Variants in RAB38 observed in about 807,000 individuals in gnomAD.
RAB38 encodes the protein ras-related protein Rab-38.
RAB38 carries 15 observed loss-of-function variants against 18.4 expected under a neutral mutation model. The observed-to-expected ratio is 0.82, with a 90% CI of 0.55 to 1.26. RAB38 has a LOEUF of 1.26. RAB38 is among the 50% of genes most tolerant of loss of function. The probability of loss-of-function intolerance (pLI) is 0.00; values close to 1 mark genes in which losing one functional copy is unlikely to be tolerated. For missense variants in RAB38, 294 were observed against 267.4 expected (o/e 1.10, Z -0.69); for synonymous variants, 101 against 104.4 (o/e 0.97, Z 0.20).
chr11:87,952,596 A>G, the RAB38 span, among the ~76,000 whole-genome samples: 2 of 152,186 alleles, frequency 1.3e-5, no homozygotes, highest in Admixed American at 6.6e-5. Context: ...AATGACACAA[A>G]TGGGTTATAC....
the RAB38 span, among the ~76,000 whole-genome samples, chr11:87,891,656 G>C: frequency 2.0e-5 from 3 of 151,756 alleles, no homozygotes; most frequent in African/African-American, 7.2e-5. Context: ...CAGTGAATAG[G>C]CTGCCCAGTA....
chr11:87,838,410 G>T, the RAB38 span, among the ~76,000 whole-genome samples: 1 of 152,124 alleles, frequency 6.6e-6, no homozygotes, highest in African/African-American at 2.4e-5. Context: ...CACTGTGCCT[G>T]GTCTACTTAC....
the RAB38 span, among the ~76,000 whole-genome samples, chr11:88,070,884 A>G: frequency 6.6e-6 from 1 of 152,218 alleles, no homozygotes; most frequent in Non-Finnish European, 1.5e-5. Context: ...AAGAGGACAC[A>G]TGAACTGTTT....
At chr11:88,070,575 C>T in the RAB38 span, among the ~76,000 whole-genome samples, 4 of 152,272 alleles carry the variant, frequency 2.6e-5, no homozygotes, top group South Asian at 2.1e-4. Flanking sequence ...ATGTTTCCTA[C>T]GTTTTAATTT....
chr11:88,143,938 T>G (rs775553679), intron 2 of RAB38, among the ~76,000 whole-genome samples: 6 of 152,222 alleles, frequency 3.9e-5, no homozygotes, highest in Non-Finnish European at 8.8e-5. Context: ...AGATAAAATA[T>G]TGTTATTAAT....
the RAB38 span, among the ~76,000 whole-genome samples, chr11:88,059,787 A>G: frequency 6.6e-6 from 1 of 152,144 alleles, no homozygotes; most frequent in Non-Finnish European, 1.5e-5. Context: ...GATGGTCAAC[A>G]TTGGAGCCTT....
the RAB38 span, among the ~76,000 whole-genome samples, chr11:88,017,364 TACACAC>T: frequency 0.031 from 4,741 of 150,544 alleles, 93 homozygotes; most frequent in Admixed American, 0.045. Context: ...TATAGACACA[TACACAC>T]ACACACACAC....
At chr11:87,832,160 T>C in the RAB38 span, among the ~76,000 whole-genome samples, 1 of 152,174 alleles carries the variant, frequency 6.6e-6, no homozygotes, top group East Asian at 1.9e-4. Context: ...AATGCCAGCA[T>C]TGGACTAAGT....
At chr11:88,154,553 C>A (rs1404474394) in intron 1 of RAB38, among the ~76,000 whole-genome samples, 1 of 152,190 alleles carries the variant, frequency 6.6e-6, no homozygotes, top group Non-Finnish European at 1.5e-5. Context: ...TACTCCCAGG[C>A]AGAAATCCAG....
chr11:87,948,000 C>G, the RAB38 span, among the ~76,000 whole-genome samples: 1 of 152,164 alleles, frequency 6.6e-6, no homozygotes, highest in African/African-American at 2.4e-5. Context: ...TGGCCATTTT[C>G]ATGATATTGA....
the RAB38 span, among the ~76,000 whole-genome samples, chr11:87,961,786 CT>C: frequency 3.9e-5 from 6 of 152,256 alleles, no homozygotes; most frequent in South Asian, 1.2e-3. Flanking sequence ...TGGGAATTGT[CT>C]TTAGCTCTAA....
the RAB38 span, among the ~76,000 whole-genome samples, chr11:88,004,654 T>G: frequency 6.6e-6 from 1 of 151,148 alleles, no homozygotes; most frequent in Non-Finnish European, 1.5e-5. Context: ...AGAAGAAAAA[T>G]ATGTAAAAAG....
the RAB38 span, among the ~76,000 whole-genome samples, chr11:87,810,165 T>G: frequency 6.6e-6 from 1 of 152,224 alleles, no homozygotes; most frequent in Non-Finnish European, 1.5e-5. Context: ...TTTTTTTACT[T>G]CTATTTTCCT....
chr11:88,044,666 T>G, the RAB38 span, among the ~76,000 whole-genome samples: 2 of 152,186 alleles, frequency 1.3e-5, no homozygotes, highest in Non-Finnish European at 2.9e-5. Context: ...GGCATTCTTT[T>G]ATACATTGTT....
the RAB38 span, among the ~76,000 whole-genome samples, chr11:87,893,666 T>C: frequency 1.3e-5 from 2 of 151,572 alleles, no homozygotes; most frequent in African/African-American, 4.8e-5. Context: ...AAAAACTAAT[T>C]TTTCCAATCC....
the RAB38 span, among the ~76,000 whole-genome samples, chr11:87,957,371 G>C: frequency 6.7e-6 from 1 of 148,270 alleles, no homozygotes; most frequent in Non-Finnish European, 1.5e-5. Flanking sequence ...ACGGATGACA[G>C]TCCTGTAACA....
At chr11:88,023,822 TG>T in the RAB38 span, among the ~76,000 whole-genome samples, 1 of 152,154 alleles carries the variant, frequency 6.6e-6, no homozygotes, top group South Asian at 2.1e-4. Context: ...TAAATGATGC[TG>T]GGAAAACTGG....
the RAB38 span, among the ~76,000 whole-genome samples, chr11:88,104,666 A>G: frequency 2.6e-5 from 4 of 152,152 alleles, no homozygotes; most frequent in Admixed American, 2.6e-4. Context: ...AATAAACAGT[A>G]TTTTAAATAC....
chr11:88,125,663 G>A (rs1040893537), intron 2 of RAB38, among the ~76,000 whole-genome samples: 5 of 152,162 alleles, frequency 3.3e-5, no homozygotes, highest in Admixed American at 2.6e-4. Context: ...CATTCTGTAC[G>A]TTGCCTGTTC....
Sources: gnomAD v4.1 joint callset for allele counts (sites outside exome capture counted in the v4.1 genomes callset) on GRCh38, gnomAD v4.1.1 for gene constraint, MANE v1.5 for transcripts, NCBI Gene and HGNC (gene_info 2026-07-23, HGNC 2026-07-21) for gene names.